CSAD: variants seen among roughly 807,000 people sequenced by gnomAD.
The protein encoded by CSAD is cysteine sulfinic acid decarboxylase.
A neutral mutation model predicts 61.5 loss-of-function variants in CSAD; 47 were observed. The ratio of observed to expected loss-of-function variants is 0.76; its 90% CI spans 0.60 to 0.97. The LOEUF (loss-of-function observed/expected upper bound fraction) is 0.97. Among genes scored for constraint, CSAD ranks in the 50% least tolerant of loss-of-function variants. The probability of loss-of-function intolerance (pLI) is 0.00; values close to 1 mark genes in which losing one functional copy is unlikely to be tolerated. For synonymous variants in CSAD, 245 were observed against 252.7 expected, an observed-to-expected ratio of 0.97 and a Z score of 0.29; for missense variants, 611 against 643.6, an observed-to-expected ratio of 0.95 and a Z score of 0.55.
Position 53,166,810 on chromosome 12 carries a change from A to G in CSAD, c.702+3262T>C, listed in dbSNP as rs150136256. Among the ~76,000 whole-genome samples the G allele has an allele frequency of 2.1e-3, 322 of 152,288 alleles. 2 individuals are homozygous for G. The highest frequency in any genetic ancestry group is 3.8e-3 in the Admixed American group (58 of 15,294). On this transcript the variant is annotated intron_variant, in intron 10 of 16. Coordinates refer to ENST00000444623, the MANE Select transcript of CSAD (RefSeq NM_001244705.2). ...TACTCTGTCTCAGAAAAACAAAACA[A>G]AACAAAACAAAAAAACAAGATGAAA...
chr12:53,179,698 C>G, intron 1 of CSAD: 3 of 1,251,594 alleles, frequency 2.4e-6, no homozygotes, highest in Non-Finnish European at 3.4e-6. Flanking sequence ...GAATCCTTGT[C>G]TTTTTTTCAT....
At position 53,158,474 on chromosome 12, in the gene CSAD, G is replaced by A. The variant is rs1299965407; in HGVS notation, c.*37C>T. 6.3e-7 allele frequency: 1 copy of A among 1,597,162 alleles called. No individual in the cohort carries two copies. Among genetic ancestry groups the A allele is most frequent in the African/African-American group, 1.3e-5 (1 of 74,588 alleles). On this transcript the variant is annotated 3_prime_UTR_variant, in exon 17 of 17. Transcript: ENST00000444623. ...GGGAATGCAGTGACTCTGCGGGTGAGGGGTGGTATCAAGGCCGGCAGCAAG... is the reference window on the plus strand; with the variant it reads ...GGGAATGCAGTGACTCTGCGGGTGAAGGGTGGTATCAAGGCCGGCAGCAAG...
intron 10 of CSAD, among the ~76,000 whole-genome samples, chr12:53,165,179 A>G (rs975761193): frequency 6.6e-6 from 1 of 152,106 alleles, no homozygotes; most frequent in African/African-American, 2.4e-5. Flanking sequence ...TCTACCAAAA[A>G]TAATTTTTAA....
intron 2 of CSAD, among the ~76,000 whole-genome samples, chr12:53,174,642 C>T (rs978674478): frequency 4.6e-5 from 7 of 151,522 alleles, no homozygotes; most frequent in Non-Finnish European, 7.4e-5. Flanking sequence ...AAAAAATACA[C>T]AATTAGCCGG....
At position 53,158,679 on chromosome 12, in the gene CSAD, G is replaced by C; in HGVS notation, c.1314C>G (p.Ala438=). 1 of 1,613,908 alleles carries C rather than the reference G, an allele frequency of 6.2e-7. No homozygotes were observed. The highest frequency in any genetic ancestry group is 1.1e-5 in the South Asian group (1 of 91,054). ...TCACCATGCGCTCCTTGAGCACGGG[G>C]GCCACCTGTGGAAGGGTGGAGAGAG... ...PDYHERLSKV[A]PVLKERMVKE... Residue 438 remains alanine (A), a synonymous_variant, in exon 17 of 17, where the codon GCC becomes GCG. Transcript: ENST00000444623.
At chr12:53,171,759 G>T in intron 7 of CSAD, 123 bp downstream of exon 7, 1 of 712,228 alleles carries the variant, frequency 1.4e-6, no homozygotes, top group Non-Finnish European at 2.4e-6. Flanking sequence ...GCCTGGCCTG[G>T]GTCCAGCTGG....
At chr12:53,174,517 C>T (rs1157072347) in intron 2 of CSAD, among the ~76,000 whole-genome samples, 2 of 151,886 alleles carry the variant, frequency 1.3e-5, no homozygotes, top group Admixed American at 6.6e-5. Context: ...AAATTGTCCG[C>T]GTGTGGTGGC....
chr12:53,158,148 A>T lies in CSAD; in HGVS notation c.*363T>A. 1 of 158,974 alleles carries T rather than the reference A, an allele frequency of 6.3e-6. No homozygotes were observed. The allele number at this position is 158,974 out of a possible 1,614,324, so 9.8% of individuals were successfully genotyped here. A position where few individuals can be genotyped will look rare whatever the true frequency, so the allele number is the denominator to read the frequency against. On this transcript the variant is annotated 3_prime_UTR_variant, in exon 17 of 17. Coordinates refer to ENST00000444623, the MANE Select transcript of CSAD (RefSeq NM_001244705.2). ...TGGCCTAAAAAGGCTGTTCTTTTTTATTTTTTTTGGAACAGAGTCTCGTAC... is the reference window on the plus strand; with the variant it reads ...TGGCCTAAAAAGGCTGTTCTTTTTTTTTTTTTTTGGAACAGAGTCTCGTAC...
Position 53,171,399 on chromosome 12 carries a change from T to C in CSAD, c.494A>G (p.Tyr165Cys), listed in dbSNP as rs371744750. ...SNMYAVNLARYQRYPDCKQRG... is the reference protein window; with the variant it reads ...SNMYAVNLARCQRYPDCKQRG... ...CTGCTTGCAATCCGGGTAGCGCTGATAGCGGGCCAGATTTACAGCATACAT... is the reference window on the plus strand; with the variant it reads ...CTGCTTGCAATCCGGGTAGCGCTGACAGCGGGCCAGATTTACAGCATACAT... Residue 165 changes from tyrosine to cysteine, a missense_variant, in exon 8 of 17, where the codon TAT becomes TGT. Transcript: ENST00000444623. 5.0e-6 allele frequency: 8 copies of C among 1,613,872 alleles called. No homozygotes were observed. The highest frequency in any genetic ancestry group is 2.7e-5 in the African/African-American group (2 of 74,920).
intron 3 of CSAD, 101 bp from the exon 4 acceptor site, chr12:53,173,577 G>A: frequency 1.3e-6 from 2 of 1,597,716 alleles, no homozygotes. Flanking sequence ...CCCAAACCCT[G>A]CAGCTCAGTC....
At chr12:53,166,706 G>GA (rs1284483246) in intron 10 of CSAD, among the ~76,000 whole-genome samples, 3 of 152,138 alleles carry the variant, frequency 2.0e-5, no homozygotes, top group Non-Finnish European at 4.4e-5. Flanking sequence ...TGAGGCACGA[G>GA]AATCGCTTGA....
At chr12:53,180,929 G>A (rs1941567925), upstream of CSAD, 1 of 1,015,988 alleles carries the variant, frequency 9.8e-7, no homozygotes, top group Non-Finnish European at 1.2e-6. Context: ...CGGGAAGGGG[G>A]AGGGGAGGGG....
chr12:53,180,566 C>T (rs1390998948), intron 1 of CSAD, 166 bp downstream of exon 1: 2 of 1,282,432 alleles, frequency 1.6e-6, no homozygotes, highest in Non-Finnish European at 2.0e-6. Context: ...CGCCCACTCA[C>T]CCAGCTGCAC....
chr12:53,160,239 C>G lies in CSAD; in HGVS notation c.1047G>C (p.Thr349=). Residue 349 remains threonine, a synonymous_variant, in exon 14 of 17, where the codon ACG becomes ACC. Transcript: ENST00000444623. ...GGCCACACTGCACCACCTTGTCTCC[C>G]GTGTCCAGAGCCACATCGTAGAACT... ...QDKFYDVALD[T]GDKVVQCGRR... 6.2e-7 allele frequency: 1 copy of G among 1,614,212 alleles called. No individual in the cohort carries two copies. The highest frequency in any genetic ancestry group is 8.5e-7 in the Non-Finnish European group (1 of 1,180,030).
intron 10 of CSAD, among the ~76,000 whole-genome samples, chr12:53,168,224 T>C (rs1198359268): frequency 6.6e-6 from 1 of 152,108 alleles, no homozygotes; most frequent in Non-Finnish European, 1.5e-5. Context: ...TTTGGGAGAA[T>C]TACAGAGGGA....
At chr12:53,179,914 T>A (rs930416450) in intron 1 of CSAD, 26 of 1,604,846 alleles carry the variant, frequency 1.6e-5, no homozygotes, top group Non-Finnish European at 2.0e-5. Flanking sequence ...ATTTTCCTAA[T>A]GCAGCCTGGC....
In CSAD at chr12:53,158,480, G is replaced by A. The variant is rs376561188; in HGVS notation, c.*31C>T. Reference sequence around the variant, plus strand: ...GCAGTGACTCTGCGGGTGAGGGGTGGTATCAAGGCCGGCAGCAAGACAGAG... The same window carrying A: ...GCAGTGACTCTGCGGGTGAGGGGTGATATCAAGGCCGGCAGCAAGACAGAG... On this transcript the variant is annotated 3_prime_UTR_variant, in exon 17 of 17. Transcript: ENST00000444623. The A allele has an allele frequency of 9.4e-6, 15 of 1,600,822 alleles. No individual in the cohort carries two copies. The highest frequency in any genetic ancestry group is 5.4e-5 in the African/African-American group (4 of 74,390).
At chr12:53,168,653 C>T (rs1940196321) in intron 10 of CSAD, among the ~76,000 whole-genome samples, 1 of 152,144 alleles carries the variant, frequency 6.6e-6, no homozygotes. Context: ...CTACCCAGTA[C>T]TCTAATAATA....
chr12:53,161,432 A>C, intron 10 of CSAD, 43 bp from the exon 11 acceptor site: 6 of 1,531,932 alleles, frequency 3.9e-6, no homozygotes, highest in Non-Finnish European at 5.4e-6. Context: ...AAGTCATCTC[A>C]AAAGCTACTC....
Sources: allele counts gnomAD v4.1 joint callset (sites outside exome capture counted in the v4.1 genomes callset), GRCh38; gene constraint gnomAD v4.1.1; transcripts MANE v1.5; gene names NCBI Gene and HGNC (gene_info 2026-07-23, HGNC 2026-07-21).